Variants in ZNF619 observed in about 807,000 individuals in gnomAD.
ZNF619 encodes the protein zinc finger protein 619.
A neutral mutation model predicts 14.2 loss-of-function variants in ZNF619; 9 were observed. That is an observed-to-expected ratio of 0.64 (90% CI 0.38 to 1.11). ZNF619 has a LOEUF of 1.11. ZNF619 is among the 50% of genes least tolerant of loss of function. The pLI is 0.01. For missense variants in ZNF619, 659 were observed against 680.1 expected (o/e 0.97, Z 0.34); for synonymous variants, 246 against 252.8 (o/e 0.97, Z 0.26).
In ZNF619 at chr3:40,487,281, G is replaced by A. The variant is rs1260918126; in HGVS notation, c.771G>A (p.Glu257=). 6.2e-7 allele frequency: 1 copy of A among 1,614,150 alleles called. No individual in the cohort carries two copies. The stretch of plus-strand genomic sequence containing the variant: ...GGCATCAGAAAATCCACACTGGAGA[G>A]AAACCATACTCATGTGAGGAATGTG... ...LSRHQKIHTG[E]KPYSCEECGQ... is the part of the protein sequence containing the mutation. The change falls in exon 5 of 5, where the codon GAG becomes GAA. Residue 257 remains glutamate, a synonymous_variant. Coordinates refer to ENST00000432264, the MANE Select transcript of ZNF619 (RefSeq NM_001145093.4).
At chr3:40,478,112 A>T in intron 2 of ZNF619, 109 bp downstream of exon 2, 3 of 1,048,878 alleles carry the variant, frequency 2.9e-6, no homozygotes, top group Non-Finnish European at 1.4e-6. Flanking sequence ...ACATCCTTCA[A>T]TAAAGTATGT....
rs370812380 is a variant in ZNF619, at chr3:40,482,576, T to A, written c.179-12T>A. 50 of 1,613,288 alleles carry A rather than the reference T, an allele frequency of 3.1e-5. No individual in the cohort carries two copies. The highest frequency in any genetic ancestry group is 4.0e-5 in the Non-Finnish European group (47 of 1,179,376). The stretch of plus-strand genomic sequence containing the variant: ...TCTCCTCAGCTTCATGTTCCTTTTC[T>A]TTCTCCTGTAGCAGCATTTCCATTC... On this transcript the variant is annotated splice_polypyrimidine_tract_variant and intron_variant, in intron 3 of 4. Coordinates refer to ENST00000432264, the MANE Select transcript of ZNF619 (RefSeq NM_001145093.4).
Position 40,487,249 on chromosome 3 carries a change from C to G in ZNF619, c.739C>G (p.Leu247Val), listed in dbSNP as rs758892326. 6.2e-7 allele frequency: 1 copy of G among 1,614,152 alleles called. No homozygotes were observed. Among genetic ancestry groups the G allele is most frequent in the Non-Finnish European group, 8.5e-7 (1 of 1,180,036 alleles). ...CGKTFRYNSK[L>V]SRHQKIHTGE... ...GAAAACCTTCAGATATAACTCAAAA[C>G]TGTCACGGCATCAGAAAATCCACAC... The change falls in exon 5 of 5, where the codon CTG becomes GTG. Residue 247 changes from leucine (L) to valine (V), a missense_variant. Transcript: ENST00000432264.
chr3:40,485,274 G>A (rs933776651), intron 4 of ZNF619, among the ~76,000 whole-genome samples: 1 of 151,132 alleles, frequency 6.6e-6, no homozygotes, highest in Non-Finnish European at 1.5e-5. Flanking sequence ...AAAGACTAAA[G>A]TAGTATAAAG....
intron 4 of ZNF619, among the ~76,000 whole-genome samples, chr3:40,484,748 C>T (rs1349736497): frequency 1.3e-5 from 2 of 152,114 alleles, no homozygotes; most frequent in Non-Finnish European, 2.9e-5. Context: ...TTTAAATAGC[C>T]ACATGTGGCT....
chr3:40,479,447 TGTA>T (rs1697311466), intron 2 of ZNF619, among the ~76,000 whole-genome samples: 1 of 152,198 alleles, frequency 6.6e-6, no homozygotes, highest in East Asian at 1.9e-4. Context: ...CATCTGTGGT[TGTA>T]GTAAGTGCTG....
At chr3:40,485,488 A>G (rs987258028) in intron 4 of ZNF619, among the ~76,000 whole-genome samples, 8 of 152,060 alleles carry the variant, frequency 5.3e-5, no homozygotes, top group African/African-American at 1.7e-4. Context: ...TTTTTAGTAG[A>G]GATGGGGTTT....
intron 2 of ZNF619, 56 bp downstream of exon 2, chr3:40,478,059 A>C: frequency 1.3e-6 from 2 of 1,512,502 alleles, no homozygotes; most frequent in South Asian, 2.4e-5. Context: ...GAAGGTCAGT[A>C]CAGCCCCAGT....
At chr3:40,486,462 C>CAGGCTGACCTG (rs891189481) in intron 4 of ZNF619, among the ~76,000 whole-genome samples, 1 of 152,046 alleles carries the variant, frequency 6.6e-6, no homozygotes, top group Non-Finnish European at 1.5e-5. Flanking sequence ...CTGAGCTGGG[C>CAGGCTGACCTG]AGGCTGACCT....
intron 2 of ZNF619, 91 bp from the exon 3 acceptor site, chr3:40,481,772 A>G (rs1697401050): frequency 1.3e-6 from 2 of 1,501,678 alleles, no homozygotes; most frequent in South Asian, 1.4e-5. Flanking sequence ...TCTCCTTGCC[A>G]GTACAAACCT....
Position 40,477,212 on chromosome 3 carries a change from A to G in ZNF619, c.-208A>G, listed in dbSNP as rs543295279. 2 of 152,380 alleles carry G rather than the reference A, an allele frequency of 1.3e-5. No homozygotes were observed. Among genetic ancestry groups the G allele is most frequent in the South Asian group, 2.1e-4 (1 of 4,822 alleles). 9.4% of individuals were successfully genotyped at this position (152,380 alleles called of 1,614,324 possible). A position where few individuals can be genotyped will look rare whatever the true frequency, so the allele number is the denominator to read the frequency against. On this transcript the variant is annotated 5_prime_UTR_variant, in exon 1 of 5. Transcript: ENST00000432264. ...TTTCCCGGGCTTCCCTGACTCGGCT[A>G]CCTGTTCTGGAGGTCAGGCTTTGGG...
chr3:40,488,052 C>G lies in ZNF619; in HGVS notation c.1542C>G (p.Ala514=), dbSNP rs749774514. 3.7e-6 allele frequency: 6 copies of G among 1,614,094 alleles called. No homozygotes were observed. The South Asian group carries it at 6.6e-5, about 18-fold the overall frequency. Reference sequence around the variant, plus strand: ...CCCAACATACCTGCTCTGCCCTAGCCCCACCAGGGCCTCCCTTATCTTCTT... The same window carrying G: ...CCCAACATACCTGCTCTGCCCTAGCGCCACCAGGGCCTCCCTTATCTTCTT... ...LPPQHTCSAL[A]PPGPPLSSSH... Residue 514 remains alanine, a synonymous_variant, in exon 5 of 5, where the codon GCC becomes GCG. Coordinates refer to ENST00000432264, the MANE Select transcript of ZNF619 (RefSeq NM_001145093.4).
In ZNF619 at chr3:40,481,986, C is replaced by T; in HGVS notation, c.148C>T (p.Leu50=). ...TQRALYREVM[L]ENYANVTSLS... ...GAGGGCCCTATACAGGGAGGTGATG[C>T]TGGAGAATTATGCAAATGTGACTTC... The change falls in exon 3 of 5, where the codon CTG becomes TTG. Residue 50 remains leucine, a synonymous_variant. Transcript: ENST00000432264. The T allele has an allele frequency of 1.9e-6, 3 of 1,605,158 alleles. No homozygotes were observed. The highest frequency in any genetic ancestry group is 2.5e-6 in the Non-Finnish European group (3 of 1,177,224).
At position 40,477,924 on chromosome 3, in the gene ZNF619, A is replaced by C. The variant is rs1301236668; in HGVS notation, c.-56A>C. The C allele has an allele frequency of 1.3e-6, 2 of 1,537,894 alleles. No homozygotes were observed. The highest frequency in any genetic ancestry group is 1.4e-5 in the African/African-American group (1 of 72,852). ...CATTGTGGTTCTCTCTTAGCTCCGC[A>C]GGTTCTTACTTTTTCAAACCTAGAG... is the stretch of plus-strand genomic sequence containing the variant. On this transcript the variant is annotated 5_prime_UTR_variant, in exon 2 of 5. Transcript: ENST00000432264.
In ZNF619 at chr3:40,481,942, C is replaced by T; in HGVS notation, c.104C>T (p.Ala35Val). The change falls in exon 3 of 5, where the codon GCC becomes GTC. Residue 35 changes from alanine (A) to valine (V), a missense_variant. Transcript: ENST00000432264. ...GTGTACTTCACCCAGAATGAATGGG[C>T]CAGCCTGCACCCTACGCAGAGGGCC... ...VAVYFTQNEW[A>V]SLHPTQRALY... is the part of the protein sequence containing the mutation. 1.2e-6 allele frequency: 2 copies of T among 1,613,716 alleles called. No individual in the cohort carries two copies. The highest frequency in any genetic ancestry group is 1.3e-5 in the African/African-American group (1 of 75,000).
chr3:40,485,093 C>T (rs1697536911), intron 4 of ZNF619, among the ~76,000 whole-genome samples: 1 of 152,112 alleles, frequency 6.6e-6, no homozygotes, highest in Non-Finnish European at 1.5e-5. Flanking sequence ...AAACCCAGCC[C>T]CATTAATATG....
chr3:40,481,287 A>G (rs1037217353), intron 2 of ZNF619, among the ~76,000 whole-genome samples: 1 of 152,210 alleles, frequency 6.6e-6, no homozygotes, highest in African/African-American at 2.4e-5. Flanking sequence ...ATTTCTGCAG[A>G]AGGATGGGAG....
chr3:40,479,500 C>T (rs1024176213), intron 2 of ZNF619, among the ~76,000 whole-genome samples: 1 of 152,122 alleles, frequency 6.6e-6, no homozygotes, highest in African/African-American at 2.4e-5. Flanking sequence ...TATCTTCGTG[C>T]GTTACAGATA....
chr3:40,487,431 G>C lies in ZNF619; in HGVS notation c.921G>C (p.Gln307His). 6.2e-7 allele frequency: 1 copy of C among 1,614,224 alleles called. No homozygotes were observed. The highest frequency in any genetic ancestry group is 8.5e-7 in the Non-Finnish European group (1 of 1,180,044). The change falls in exon 5 of 5, where the codon CAG becomes CAC. Residue 307 changes from glutamine to histidine, a missense_variant. Physicochemically the swap from Gln to His is conservative, Grantham distance 24 (BLOSUM62 0). Coordinates refer to ENST00000432264, the MANE Select transcript of ZNF619 (RefSeq NM_001145093.4). ...ATAATTCAAAACTGATTCGGCATCAGAGAATCCATACTGGGGAGAAGCCCT... is the reference window on the plus strand; with the variant it reads ...ATAATTCAAAACTGATTCGGCATCACAGAATCCATACTGGGGAGAAGCCCT... ...FSYNSKLIRH[Q>H]RIHTGEKPFK...
Sources: allele counts gnomAD v4.1 joint callset (sites outside exome capture counted in the v4.1 genomes callset), GRCh38; gene constraint gnomAD v4.1.1; transcripts MANE v1.5; gene names NCBI Gene and HGNC (gene_info 2026-07-23, HGNC 2026-07-21).